Variants in SF3B1 observed in about 807,000 individuals in gnomAD.
SF3B1 encodes the protein pre-mRNA processing 10.
Under a neutral mutation model 153.8 loss-of-function variants are expected in SF3B1, and 12 were observed. That is an observed-to-expected ratio of 0.08 (90% CI 0.05 to 0.13). The LOEUF is 0.13. SF3B1 is among the 10% of genes least tolerant of loss of function. The pLI is 1.00. For synonymous variants in SF3B1, 498 were observed against 525.2 expected (o/e 0.95, Z 0.71); for missense variants, 513 against 1,606.1 (o/e 0.32, Z 11.63).
intron 22 of SF3B1, 29 bp from the exon 23 acceptor site, chr2:197,396,357 GTTACA>G: frequency 6.4e-7 from 1 of 1,568,424 alleles, no homozygotes; most frequent in African/African-American, 1.4e-5. Flanking sequence ...TCAACAAGCT[GTTACA>G]TTATAAGTCA....
chr2:197,418,682 A>G, intron 4 of SF3B1, 94 bp from the exon 5 acceptor site: 1 of 1,489,462 alleles, frequency 6.7e-7, no homozygotes, highest in East Asian at 2.4e-5. Flanking sequence ...ATATTATGTT[A>G]TTCCATAATC....
intron 23 of SF3B1, 22 bp downstream of exon 23, chr2:197,396,034 G>C (rs774038618): frequency 2.6e-6 from 4 of 1,559,810 alleles, no homozygotes; most frequent in Non-Finnish European, 3.5e-6. Flanking sequence ...TTATTTTCTT[G>C]TATTTAGTTC....
At chr2:197,398,216 A>T (rs995551710) in intron 21 of SF3B1, 100 bp from the exon 22 acceptor site, 8 of 1,048,822 alleles carry the variant, frequency 7.6e-6, no homozygotes, top group Non-Finnish European at 1.1e-5. Flanking sequence ...ACTCATTTTA[A>T]GCATTAAATA....
intron 20 of SF3B1, among the ~76,000 whole-genome samples, chr2:197,399,692 C>T (rs2084918091): frequency 6.6e-6 from 1 of 152,050 alleles, no homozygotes; most frequent in Admixed American, 6.6e-5. Flanking sequence ...TGTTCTAAAA[C>T]TAAATTAAAA....
At chr2:197,428,012 C>T (rs182916955) in intron 1 of SF3B1, among the ~76,000 whole-genome samples, 24 of 150,238 alleles carry the variant, frequency 1.6e-4, no homozygotes, top group African/African-American at 4.7e-4. Context: ...AGCAAGACTC[C>T]GTCTCAAATT....
At position 197,391,300 on chromosome 2, in the gene SF3B1, T is replaced by C. The variant is rs2084807101; in HGVS notation, c.*1003A>G. 6.6e-6 allele frequency: 1 copy of C among 152,212 alleles called. No individual in the cohort carries two copies. Among genetic ancestry groups the C allele is most frequent in the South Asian group, 2.1e-4 (1 of 4,836 alleles). The allele number at this position is 152,212 out of a possible 1,614,324, so 9.4% of individuals were successfully genotyped here. On this transcript the variant is annotated 3_prime_UTR_variant, in exon 25 of 25. Transcript: ENST00000335508. ...ACATTTTAGCTGCTGCCACTGTGTA[T>C]TATCACAGTACATAAGGAATCTGTC...
chr2:197,398,393 A>C, intron 21 of SF3B1, 68 bp downstream of exon 21: 1 of 1,552,916 alleles, frequency 6.4e-7, no homozygotes, highest in Non-Finnish European at 8.9e-7. Flanking sequence ...AATTTTGCTA[A>C]TTGAATACAA....
chr2:197,410,501 A>ATTTTTTTTTTTTTTTTTTT (rs573287348), intron 6 of SF3B1, among the ~76,000 whole-genome samples: 1 of 107,942 alleles, frequency 9.3e-6, no homozygotes, highest in African/African-American at 3.7e-5. Context: ...CACCTATGTA[A>ATTTTTTTTTTTTTTTTTTT]TTTTTTTTTT....
At position 197,391,682 on chromosome 2, in the gene SF3B1, T is replaced by C. The variant is rs553765489; in HGVS notation, c.*621A>G. 4 of 152,420 alleles carry C rather than the reference T, an allele frequency of 2.6e-5. No individual in the cohort carries two copies. The highest frequency in any genetic ancestry group is 4.1e-4 in the South Asian group (2 of 4,834). 9.4% of individuals were successfully genotyped at this position (152,420 alleles called of 1,614,324 possible). ...AGAAATCAAGAGATGAAAGGCGCTA[T>C]GTAAGTACAAAATATTCAAGACAGT... On this transcript the variant is annotated 3_prime_UTR_variant, in exon 25 of 25. Transcript: ENST00000335508.
chr2:197,412,210 T>C lies in SF3B1; in HGVS notation c.667-2203A>G, dbSNP rs140311602. On this transcript the variant is annotated intron_variant, in intron 6 of 24. Transcript: ENST00000335508. ...TGTTTAAAATCTCCATTCTGGCATC[T>C]GTCCCTCCTGCTGAATTATAAGGAA... Among the ~76,000 whole-genome samples, 118 of 152,114 alleles carry C rather than the reference T, an allele frequency of 7.8e-4. 1 individual carries two copies. Among genetic ancestry groups the C allele is most frequent in the African/African-American group, 2.7e-3 (112 of 41,534 alleles).
intron 2 of SF3B1, 47 bp from the exon 3 acceptor site, chr2:197,421,180 T>C: frequency 8.3e-7 from 1 of 1,210,182 alleles, no homozygotes; most frequent in Non-Finnish European, 1.2e-6. Context: ...TGTTAGAACT[T>C]AAAAATTAGA....
chr2:197,403,107 A>G (rs2084952230), intron 12 of SF3B1, 72 bp from the exon 13 acceptor site: 13 of 1,073,272 alleles, frequency 1.2e-5, no homozygotes, highest in Admixed American at 2.2e-5. Flanking sequence ...TACAGAATTA[A>G]ACATACATAA....
intron 6 of SF3B1, among the ~76,000 whole-genome samples, chr2:197,412,028 TA>T (rs931316700): frequency 1.4e-5 from 2 of 145,298 alleles, no homozygotes; most frequent in Admixed American, 1.4e-4. Context: ...GAGAATTGCC[TA>T]AACCCAGGAG....
At chr2:197,410,155 G>A (rs1435461437) in intron 6 of SF3B1, 148 bp from the exon 7 acceptor site, 6 of 558,956 alleles carry the variant, frequency 1.1e-5, no homozygotes, top group Middle Eastern at 4.7e-4. Flanking sequence ...CTACTTATAG[G>A]AAAAGATACC....
rs770338869 is a variant in SF3B1 at position 197,400,931 on chromosome 2, A to T, written c.2502T>A (p.Val834=). 9 of 1,601,802 alleles carry T rather than the reference A, an allele frequency of 5.6e-6. No homozygotes were observed. The South Asian group carries it at 1.0e-4, about 18-fold the overall frequency. The change falls in exon 18 of 25, where the codon GTT becomes GTA. Residue 834 remains valine, a synonymous_variant. Transcript: ENST00000335508. The surrounding 1 kb of genome is among the most constrained non-coding windows in gnomAD (Gnocchi z 5.0). ...TGTTTGCCAACTCCACAGTAGTATC[A>T]ACTAACTAAAAAGAACAGAAAAACA... ...ALDRRNYRQL[V]DTTVELANKV... is the part of the protein sequence containing the mutation.
intron 1 of SF3B1, among the ~76,000 whole-genome samples, chr2:197,433,989 G>C (rs16865657): frequency 6.6e-6 from 1 of 152,186 alleles, no homozygotes; most frequent in South Asian, 2.1e-4. Flanking sequence ...GGCCTCATGA[G>C]AGAATGAGAA....
In SF3B1 at chr2:197,392,043, A is replaced by T; in HGVS notation, c.*260T>A. The T allele has an allele frequency of 3.6e-6, 1 of 279,514 alleles. No homozygotes were observed. The highest frequency in any genetic ancestry group is 6.7e-6 in the Non-Finnish European group (1 of 149,982). The allele number at this position is 279,514 out of a possible 1,614,324, so 17.3% of individuals were successfully genotyped here. ...CTTTAAACACAAGGAATGAGTTCTA[A>T]ATCTTCATAAAGATGAATTAAAAAT... On this transcript the variant is annotated 3_prime_UTR_variant, in exon 25 of 25. Transcript: ENST00000335508.
intron 5 of SF3B1, among the ~76,000 whole-genome samples, chr2:197,418,234 C>CCA (rs2085183046): frequency 2.7e-5 from 1 of 36,366 alleles, no homozygotes; most frequent in Non-Finnish European, 5.5e-5. Flanking sequence ...AGACTGTGTC[C>CCA]AAAAAAAAAA....
chr2:197,405,067 G>T lies in SF3B1; in HGVS notation c.1539+9C>A. On this transcript the variant is annotated intron_variant, in intron 11 of 24. Transcript: ENST00000335508. ...AACAAACATGACAATTTAACAAACT[G>T]GGACTTACCTTTCTCATTGGTGGTG... The T allele has an allele frequency of 6.5e-7, 1 of 1,532,600 alleles. No individual in the cohort carries two copies. Among genetic ancestry groups the T allele is most frequent in the Non-Finnish European group, 8.9e-7 (1 of 1,121,942 alleles). 94.9% of individuals were successfully genotyped at this position (1,532,600 alleles called of 1,614,324 possible). A position where few individuals can be genotyped will look rare whatever the true frequency, so the allele number is the denominator to read the frequency against.
Sources: gnomAD v4.1 joint callset for allele counts (sites outside exome capture counted in the v4.1 genomes callset) on GRCh38, gnomAD v4.1.1 for gene constraint, Gnocchi (gnomAD v3.1) non-coding constraint, MANE v1.5 for transcripts, NCBI Gene and HGNC (gene_info 2026-07-23, HGNC 2026-07-21) for gene names.